The following EIF5A2 variants were observed in gnomAD, a reference collection of about 807,000 sequenced individuals.
EIF5A2 encodes eukaryotic translation initiation factor 5A-2.
EIF5A2 carries 15 observed loss-of-function variants against 16.4 expected under a neutral mutation model. That is an observed-to-expected ratio of 0.92 (90% CI 0.61 to 1.41). EIF5A2 has a LOEUF of 1.41. Ranked by LOEUF, EIF5A2 falls within the 40% of genes most tolerant of loss-of-function variation. The pLI is 0.00. For synonymous variants in EIF5A2, 48 were observed against 61.1 expected (o/e 0.79, Z 1.00); for missense variants, 144 against 189.5 (o/e 0.76, Z 1.41).
At chr3:170,907,118 GT>G in intron 2 of EIF5A2, 25 bp from the exon 3 acceptor site, 1 of 1,508,124 alleles carries the variant, frequency 6.6e-7, no homozygotes, top group South Asian at 1.2e-5. Flanking sequence ...CAGGAAACCT[GT>G]TTAATCTCTG....
intron 3 of EIF5A2, among the ~76,000 whole-genome samples, chr3:170,897,608 G>C (rs1001207487): frequency 6.6e-6 from 1 of 152,232 alleles, no homozygotes; most frequent in Non-Finnish European, 1.5e-5. Flanking sequence ...CAGAAGGCAA[G>C]AGTTGAGGTT....
chr3:170,907,587 C>CA (rs1474499707), intron 2 of EIF5A2, 55 bp downstream of exon 2: 1 of 1,478,940 alleles, frequency 6.8e-7, no homozygotes, highest in East Asian at 2.3e-5. Flanking sequence ...TAACGGAATA[C>CA]AAATGATCAA....
At chr3:170,895,487 C>A (rs1462831181) in intron 3 of EIF5A2, among the ~76,000 whole-genome samples, 1 of 152,132 alleles carries the variant, frequency 6.6e-6, no homozygotes, top group East Asian at 1.9e-4. Context: ...TGCCTCGAAT[C>A]CTAACATGTT....
chr3:170,894,345 C>T lies in EIF5A2; in HGVS notation c.349G>A (p.Gly117Ser), dbSNP rs1444652491. Residue 117 changes from glycine to serine, a missense_variant, in exon 4 of 5, where the codon GGT becomes AGT. By Grantham distance (56) the Gly-to-Ser change is moderately conservative. Transcript: ENST00000295822. ...EVREDLKLPE[G>S]ELGKEIEGKY... is the part of the protein sequence containing the mutation. Reference sequence around the variant, plus strand: ...CCCTCTATTTCTTTGCCTAGTTCACCTTCTGGCAGTTTAAGATCCTCACGA... The same window carrying T: ...CCCTCTATTTCTTTGCCTAGTTCACTTTCTGGCAGTTTAAGATCCTCACGA... 1 of 1,613,974 alleles carries T rather than the reference C, an allele frequency of 6.2e-7. No homozygotes were observed. Among genetic ancestry groups the T allele is most frequent in the African/African-American group, 1.3e-5 (1 of 75,018 alleles).
At chr3:170,907,184 C>T in intron 2 of EIF5A2, 91 bp from the exon 3 acceptor site, 1 of 762,068 alleles carries the variant, frequency 1.3e-6, no homozygotes, top group South Asian at 2.4e-5. Flanking sequence ...CTGATTACAA[C>T]AGATTCTTTT....
At chr3:170,893,589 A>G (rs1399566149) in intron 4 of EIF5A2, among the ~76,000 whole-genome samples, 170 bp from the exon 5 acceptor site, 4 of 152,238 alleles carry the variant, frequency 2.6e-5, no homozygotes, top group Admixed American at 2.6e-4. Context: ...AGAATTTCTC[A>G]GAGTGGTTTG....
intron 3 of EIF5A2, among the ~76,000 whole-genome samples, chr3:170,903,675 A>G (rs1220271852): frequency 7.2e-5 from 11 of 152,226 alleles, no homozygotes; most frequent in Non-Finnish European, 1.6e-4. Context: ...AAAATTATAA[A>G]AAGACTTTAA....
intron 3 of EIF5A2, among the ~76,000 whole-genome samples, chr3:170,898,038 G>A (rs952342388): frequency 5.3e-5 from 8 of 152,170 alleles, no homozygotes; most frequent in South Asian, 2.1e-4. Flanking sequence ...GCTAGGTTTC[G>A]GACTTGTATG....
Position 170,892,395 on chromosome 3 carries a change from C to A in EIF5A2, c.*965G>T, listed in dbSNP as rs543865338. 1 of 149,198 alleles carries A rather than the reference C, an allele frequency of 6.7e-6. No individual in the cohort carries two copies. The highest frequency in any genetic ancestry group is 1.4e-5 in the Non-Finnish European group (1 of 70,310). The allele number at this position is 149,198 out of a possible 1,614,324, so 9.2% of individuals were successfully genotyped here. A position where few individuals can be genotyped will look rare whatever the true frequency, so the allele number is the denominator to read the frequency against. ...AGTGAGCCGAGATTGCACCACTGCA[C>A]TCCAGCCTGGCTGATGGAGTGAGAC... On this transcript the variant is annotated 3_prime_UTR_variant, in exon 5 of 5. Transcript: ENST00000295822.
In EIF5A2 at chr3:170,893,295, C is replaced by T; in HGVS notation, c.*65G>A. Reference sequence around the variant, plus strand: ...ATGAAGGCTATAGCTTTGGTGACAACTTAGAACCAAATTAGATCTGCAGTT... The same window carrying T: ...ATGAAGGCTATAGCTTTGGTGACAATTTAGAACCAAATTAGATCTGCAGTT... On this transcript the variant is annotated 3_prime_UTR_variant, in exon 5 of 5. Transcript: ENST00000295822. 1.3e-6 allele frequency: 2 copies of T among 1,567,660 alleles called. No individual in the cohort carries two copies. The highest frequency in any genetic ancestry group is 1.7e-6 in the Non-Finnish European group (2 of 1,147,534).
At chr3:170,902,369 TA>T (rs1204269066) in intron 3 of EIF5A2, among the ~76,000 whole-genome samples, 12 of 151,466 alleles carry the variant, frequency 7.9e-5, no homozygotes, top group African/African-American at 2.7e-4. Flanking sequence ...TTGCACTGAT[TA>T]TGAGCTAATG....
intron 3 of EIF5A2, among the ~76,000 whole-genome samples, chr3:170,900,709 C>A (rs1045426294): frequency 1.3e-5 from 2 of 152,106 alleles, no homozygotes; most frequent in Non-Finnish European, 2.9e-5. Context: ...TGCTAGGAAC[C>A]AATTTATTTT....
At chr3:170,907,883 T>TA (rs1712982029) in intron 1 of EIF5A2, 42 bp from the exon 2 acceptor site, 1 of 1,403,924 alleles carries the variant, frequency 7.1e-7, no homozygotes, top group East Asian at 2.4e-5. Context: ...AACGGGTATG[T>TA]AGGCAGGGAA....
At position 170,890,503 on chromosome 3, in the gene EIF5A2, GA is replaced by G. The variant is rs1712504733; in HGVS notation, c.*2856del. 6.6e-6 allele frequency: 1 copy of G among 151,994 alleles called. No homozygotes were observed. The highest frequency in any genetic ancestry group is 1.5e-5 in the Non-Finnish European group (1 of 67,938). The allele number at this position is 151,994 out of a possible 1,614,324, so 9.4% of individuals were successfully genotyped here. On this transcript the variant is annotated 3_prime_UTR_variant, in exon 5 of 5. Coordinates refer to ENST00000295822, the MANE Select transcript of EIF5A2 (RefSeq NM_020390.6). ...TGACTGAGCCCCTGGAAGGGAGCAT[GA>G]AAAAAACATCATAATTATGTTTATG...
At chr3:170,893,680 C>T (rs563628294) in intron 4 of EIF5A2, among the ~76,000 whole-genome samples, 30 of 152,254 alleles carry the variant, frequency 2.0e-4, no homozygotes, top group African/African-American at 5.1e-4. Context: ...AAAGTTGTAA[C>T]GAAGACAGTA....
intron 3 of EIF5A2, among the ~76,000 whole-genome samples, chr3:170,900,366 C>CAAAA (rs1168908597): frequency 7.8e-4 from 49 of 63,196 alleles, no homozygotes; most frequent in East Asian, 1.3e-3. Flanking sequence ...GACTCCATCT[C>CAAAA]AAAAAAAAAA....
Position 170,907,634 on chromosome 3 carries a change from G to C in EIF5A2, c.165+8C>G. The stretch of plus-strand genomic sequence containing the variant: ...CGAAGCCAAAGCCTGATCTGCAAGG[G>C]TACTTACCTTGGCATGACCATGCTT... On this transcript the variant is annotated splice_region_variant and intron_variant, in intron 2 of 4. Coordinates refer to ENST00000295822, the MANE Select transcript of EIF5A2 (RefSeq NM_020390.6). 6.3e-7 allele frequency: 1 copy of C among 1,585,186 alleles called. No individual in the cohort carries two copies. The highest frequency in any genetic ancestry group is 8.6e-7 in the Non-Finnish European group (1 of 1,157,200).
At chr3:170,894,518 T>C in intron 3 of EIF5A2, 95 bp from the exon 4 acceptor site, 1 of 1,038,558 alleles carries the variant, frequency 9.6e-7, no homozygotes, top group East Asian at 2.6e-5. Context: ...TTAATTCATA[T>C]AAGTATACAG....
Position 170,893,285 on chromosome 3 carries a change from T to G in EIF5A2, c.*75A>C. The G allele has an allele frequency of 5.3e-6, 8 of 1,497,438 alleles. No individual in the cohort carries two copies. Among genetic ancestry groups the G allele is most frequent in the Non-Finnish European group, 7.3e-6 (8 of 1,089,036 alleles). The allele number at this position is 1,497,438 out of a possible 1,614,324, so 92.8% of individuals were successfully genotyped here. A position where few individuals can be genotyped will look rare whatever the true frequency, so the allele number is the denominator to read the frequency against. On this transcript the variant is annotated 3_prime_UTR_variant, in exon 5 of 5. Coordinates refer to ENST00000295822, the MANE Select transcript of EIF5A2 (RefSeq NM_020390.6). Reference sequence around the variant, plus strand: ...GAGGTTGCTTATGAAGGCTATAGCTTTGGTGACAACTTAGAACCAAATTAG... The same window carrying G: ...GAGGTTGCTTATGAAGGCTATAGCTGTGGTGACAACTTAGAACCAAATTAG...
Sources: allele counts gnomAD v4.1 joint callset (sites outside exome capture counted in the v4.1 genomes callset), GRCh38; gene constraint gnomAD v4.1.1; transcripts MANE v1.5; gene names NCBI Gene and HGNC (gene_info 2026-07-23, HGNC 2026-07-21).